The following DYNC2H1 variants were observed in gnomAD, a reference collection of about 807,000 sequenced individuals.
DYNC2H1 encodes the protein cytoplasmic dynein 2 heavy chain 1.
Under a neutral mutation model 570.0 loss-of-function variants are expected in DYNC2H1, and 410 were observed. The ratio of observed to expected loss-of-function variants is 0.72; its 90% CI spans 0.66 to 0.78. The LOEUF (loss-of-function observed/expected upper bound fraction) is 0.78, where lower values mean the gene tolerates loss of function less well. DYNC2H1 is among the 30% of genes least tolerant of loss of function. DYNC2H1 has a pLI of 0.00. For synonymous variants in DYNC2H1, 1,688 were observed against 1,677.6 expected, an observed-to-expected ratio of 1.01 and a Z score of -0.15; for missense variants, 4,865 against 5,046.4, an observed-to-expected ratio of 0.96 and a Z score of 1.09.
Position 103,209,888 on chromosome 11 carries a change from T to C in DYNC2H1, c.8467T>C (p.Leu2823=). ...TTTTATGTTTTAGATACCTGAAATG[T>C]TATTCAGTGAAACAGGTGGTGGAGA... ...NSSMKKIPEM[L]FSETGGGEKY... The change falls in exon 53 of 89, where the codon TTA becomes CTA. Residue 2823 remains leucine, a synonymous_variant. Transcript: ENST00000375735. This position sits in a 1 kb window ranked among gnomAD's most constrained non-coding sequence, Gnocchi z 4.2. The C allele has an allele frequency of 6.7e-7, 1 of 1,493,904 alleles. No individual in the cohort carries two copies. Among genetic ancestry groups the C allele is most frequent in the Middle Eastern group, 1.7e-4 (1 of 5,804 alleles). 92.5% of individuals were successfully genotyped at this position (1,493,904 alleles called of 1,614,324 possible).
intron 60 of DYNC2H1, among the ~76,000 whole-genome samples, 192 bp from the exon 61 acceptor site, chr11:103,233,830 ATGTGTGTGTGTG>A (rs745355739): frequency 3.8e-4 from 29 of 75,874 alleles, no homozygotes; most frequent in Non-Finnish European, 5.9e-4. Flanking sequence ...GCTACACTTT[ATGTGTGTGTGTG>A]TGTGTGTGTG....
At chr11:103,279,579 G>C (rs1866050962) in intron 70 of DYNC2H1, among the ~76,000 whole-genome samples, 1 of 151,070 alleles carries the variant, frequency 6.6e-6, no homozygotes, top group South Asian at 2.1e-4. Flanking sequence ...TTCCTTTACT[G>C]AGAAATTTCT....
At position 103,199,281 on chromosome 11, in the gene DYNC2H1, C is replaced by T. The variant is rs373294424; in HGVS notation, c.7893C>T (p.His2631=). The change falls in exon 49 of 89, where the codon CAC becomes CAT. Residue 2631 remains histidine (H), a synonymous_variant. Transcript: ENST00000375735. This position sits in a 1 kb window ranked among gnomAD's most constrained non-coding sequence, Gnocchi z 4.6. ...AGAATTTAGACATTTTACTTTTCCACGAAGTCTTGGAGTATATGTCTAGGA... is the reference window on the plus strand; with the variant it reads ...AGAATTTAGACATTTTACTTTTCCATGAAGTCTTGGAGTATATGTCTAGGA... ...DNQNLDILLF[H]EVLEYMSRID... 1.3e-4 allele frequency: 209 copies of T among 1,609,012 alleles called. No individual in the cohort carries two copies. Among genetic ancestry groups the T allele is most frequent in the Non-Finnish European group, 1.5e-4 (176 of 1,178,202 alleles).
At chr11:103,188,475 A>C in intron 43 of DYNC2H1, 22 bp from the exon 44 acceptor site, 1 of 1,504,264 alleles carries the variant, frequency 6.6e-7, no homozygotes, top group Non-Finnish European at 9.0e-7. Flanking sequence ...AAAACGTTTA[A>C]AATATATTTA....
chr11:103,436,540 G>C (rs1189232942), intron 85 of DYNC2H1, among the ~76,000 whole-genome samples: 2 of 102,378 alleles, frequency 2.0e-5, no homozygotes, highest in African/African-American at 9.3e-5. Flanking sequence ...ATTTTCCACT[G>C]TCTTCCTCTG....
intron 78 of DYNC2H1, among the ~76,000 whole-genome samples, chr11:103,311,556 A>C (rs1867587477): frequency 6.6e-6 from 1 of 151,814 alleles, no homozygotes; most frequent in South Asian, 2.1e-4. Context: ...ATATCACATT[A>C]GTATTATTAA....
intron 82 of DYNC2H1, among the ~76,000 whole-genome samples, chr11:103,353,702 C>T (rs2671340): frequency 0.55 from 83,289 of 151,740 alleles, 24,719 homozygotes; most frequent in Admixed American, 0.66. Context: ...CATTCTATTA[C>T]CTTTTAACTT....
chr11:103,248,051 C>T (rs1331040268), intron 65 of DYNC2H1, among the ~76,000 whole-genome samples: 1 of 152,014 alleles, frequency 6.6e-6, no homozygotes, highest in Non-Finnish European at 1.5e-5. Flanking sequence ...ATGGAACATG[C>T]TGCTTTTTAT....
Position 103,468,725 on chromosome 11 carries a change from C to G in DYNC2H1, c.12765+20C>G. ...CCACAGGTAATACATTTTTAACAAG[C>G]ACAAGTTTTAATTATATCAGTTCTC... On this transcript the variant is annotated intron_variant, in intron 88 of 88. Coordinates refer to ENST00000375735, the MANE Select transcript of DYNC2H1 (RefSeq NM_001377.3). 2.6e-6 allele frequency: 4 copies of G among 1,539,602 alleles called. No homozygotes were observed. Among genetic ancestry groups the G allele is most frequent in the Non-Finnish European group, 3.6e-6 (4 of 1,117,134 alleles).
chr11:103,137,753 A>G (rs1859655865), intron 17 of DYNC2H1, among the ~76,000 whole-genome samples: 1 of 152,024 alleles, frequency 6.6e-6, no homozygotes, highest in Non-Finnish European at 1.5e-5. Flanking sequence ...GTTTTTTCCA[A>G]TTCTGTGAAG....
At chr11:103,436,439 C>T (rs653928) in intron 85 of DYNC2H1, among the ~76,000 whole-genome samples, 84,055 of 151,670 alleles carry the variant, frequency 0.55, 23,905 homozygotes, top group East Asian at 0.72. Context: ...TTCAGGAAAA[C>T]AGAAGAATAA....
At chr11:103,471,055 C>T (rs1394609129) in intron 88 of DYNC2H1, among the ~76,000 whole-genome samples, 151 of 145,512 alleles carry the variant, frequency 1.0e-3, no homozygotes, top group South Asian at 2.0e-3. Context: ...ATTCCTATTT[C>T]TCCACATCCT....
At chr11:103,214,271 C>G (rs1465523033) in intron 54 of DYNC2H1, among the ~76,000 whole-genome samples, 10 of 151,954 alleles carry the variant, frequency 6.6e-5, no homozygotes, top group African/African-American at 2.2e-4. Context: ...TAGCTTTGTT[C>G]TTTTTGCTCA....
At chr11:103,350,825 G>T (rs1258970878) in intron 82 of DYNC2H1, among the ~76,000 whole-genome samples, 1 of 152,004 alleles carries the variant, frequency 6.6e-6, no homozygotes. Flanking sequence ...AATCCTATCA[G>T]ATCAGGCCCC....
intron 69 of DYNC2H1, among the ~76,000 whole-genome samples, 175 bp from the exon 70 acceptor site, chr11:103,259,713 C>T (rs776262486): frequency 4.9e-4 from 75 of 152,044 alleles, no homozygotes; most frequent in Non-Finnish European, 7.2e-4. Flanking sequence ...AAGAAAGATG[C>T]GTCATTTTTT....
intron 82 of DYNC2H1, among the ~76,000 whole-genome samples, chr11:103,332,314 A>G (rs1344684894): frequency 4.1e-5 from 3 of 73,084 alleles, no homozygotes; most frequent in South Asian, 1.1e-3. Context: ...AAAACTGGGA[A>G]AAAAAAAAAA....
chr11:103,164,726 A>G (rs1317692902), intron 30 of DYNC2H1, among the ~76,000 whole-genome samples: 1 of 152,214 alleles, frequency 6.6e-6, no homozygotes, highest in Non-Finnish European at 1.5e-5. Context: ...ATTACATTTT[A>G]GGTAATTCAT....
At position 103,256,642 on chromosome 11, in the gene DYNC2H1, T is replaced by C. The variant is rs1296384777; in HGVS notation, c.10461+402T>C. On this transcript the variant is annotated intron_variant, in intron 68 of 88. Coordinates refer to ENST00000375735, the MANE Select transcript of DYNC2H1 (RefSeq NM_001377.3). The surrounding 1 kb of genome is among the most constrained non-coding windows in gnomAD (Gnocchi z 4.0). Reference sequence around the variant, plus strand: ...GGTTATAAGCTCTAAGGTACAGTTATTGGCTCTTTTCATGCTTATAATGAA... The same window carrying C: ...GGTTATAAGCTCTAAGGTACAGTTACTGGCTCTTTTCATGCTTATAATGAA... Among the ~76,000 whole-genome samples the C allele has an allele frequency of 1.4e-4, 22 of 152,178 alleles. No individual in the cohort carries two copies. The highest frequency in any genetic ancestry group is 4.4e-5 in the Non-Finnish European group (3 of 68,010).
intron 84 of DYNC2H1, among the ~76,000 whole-genome samples, chr11:103,409,953 C>T (rs796534703): frequency 2.0e-5 from 3 of 152,128 alleles, no homozygotes; most frequent in South Asian, 4.2e-4. Flanking sequence ...ATAAAATTTC[C>T]ATCGCCTATA....
Sources: allele counts gnomAD v4.1 joint callset (sites outside exome capture counted in the v4.1 genomes callset), GRCh38; gene constraint gnomAD v4.1.1; non-coding constraint Gnocchi (gnomAD v3.1); transcripts MANE v1.5; gene names NCBI Gene and HGNC (gene_info 2026-07-23, HGNC 2026-07-21).